Variants in AFTPH observed in about 807,000 individuals in gnomAD.
AFTPH encodes the protein aftiphilin.
In AFTPH, 7 loss-of-function variants were observed where a neutral mutation model predicts 72.5. The observed-to-expected ratio is 0.10, with a 90% CI of 0.05 to 0.18. The LOEUF is 0.18. Ranked by LOEUF, AFTPH falls within the 10% of genes least tolerant of loss-of-function variation. AFTPH has a pLI of 1.00. For synonymous variants in AFTPH, 337 were observed against 370.1 expected (o/e 0.91, Z 1.03); for missense variants, 979 against 1,060.5 (o/e 0.92, Z 1.07).
At chr2:64,572,598 C>T (rs978071846) in intron 5 of AFTPH, among the ~76,000 whole-genome samples, 1 of 152,130 alleles carries the variant, frequency 6.6e-6, no homozygotes, top group Non-Finnish European at 1.5e-5. Flanking sequence ...ACTTTAAAAC[C>T]TCTGATTTAA....
chr2:64,584,372 A>G (rs897613020), intron 7 of AFTPH, among the ~76,000 whole-genome samples: 1 of 152,158 alleles, frequency 6.6e-6, no homozygotes, highest in Non-Finnish European at 1.5e-5. Context: ...CAATAAATCT[A>G]ACCCTCTGAG....
intron 1 of AFTPH, among the ~76,000 whole-genome samples, chr2:64,546,506 A>G (rs1054714602): frequency 6.6e-6 from 1 of 152,232 alleles, no homozygotes; most frequent in Non-Finnish European, 1.5e-5. Context: ...CTAGAATTGT[A>G]TAAGTAACAC....
At chr2:64,591,027 A>G (rs1673796714) in intron 8 of AFTPH, among the ~76,000 whole-genome samples, 1 of 152,254 alleles carries the variant, frequency 6.6e-6, no homozygotes, top group Non-Finnish European at 1.5e-5. Context: ...AGCGAATAAT[A>G]TGTATAACTA....
intron 1 of AFTPH, among the ~76,000 whole-genome samples, chr2:64,547,010 C>A (rs754293368): frequency 1.3e-5 from 2 of 152,128 alleles, no homozygotes; most frequent in African/African-American, 4.8e-5. Flanking sequence ...GATCGTGCCA[C>A]TGCACTCCAG....
At position 64,552,384 on chromosome 2, in the gene AFTPH, A is replaced by G. The variant is rs138916712; in HGVS notation, c.910A>G (p.Ile304Val). The change falls in exon 2 of 9, where the codon ATA (isoleucine) becomes GTA (valine). Residue 304 changes from isoleucine to valine, a missense_variant. By Grantham distance (29) the Ile-to-Val change is conservative (BLOSUM62 3). This residue lies in a region of AFTPH where 498 missense variants were observed against 467.6 expected (regional missense o/e 1.06). Coordinates refer to ENST00000238856, the Ensembl canonical transcript of AFTPH. ...TCAGGTTTGTGTTTCAGAAATAAGC[A>G]TAGTGACTAACAGAGGTTTCAGTGT... 13 of 1,614,012 alleles carry G rather than the reference A, an allele frequency of 8.1e-6. No homozygotes were observed. In the African/African-American group the frequency reaches 1.2e-4, roughly 15 times the overall value.
At chr2:64,533,361 T>G (rs1437727221) in intron 1 of AFTPH, among the ~76,000 whole-genome samples, 1 of 152,142 alleles carries the variant, frequency 6.6e-6, no homozygotes, top group Non-Finnish European at 1.5e-5. Context: ...ATCACACCAC[T>G]GCACTCCAGC....
In AFTPH at chr2:64,573,086, T is replaced by C. The variant is rs368908558; in HGVS notation, c.2394+18T>C. The C allele has an allele frequency of 3.4e-5, 54 of 1,596,010 alleles. No individual in the cohort carries two copies. In the East Asian group the frequency reaches 6.0e-4, roughly 18 times the overall value. ...AGTTCCAGGTAAAAATATCTATATG[T>C]GTATAAATATGTTTATGCGTGTATA... is the stretch of plus-strand genomic sequence containing the variant. On this transcript the variant is annotated intron_variant, in intron 6 of 8. Transcript: ENST00000238856.
chr2:64,581,218 T>A (rs759175060), intron 7 of AFTPH: 1 of 1,600,698 alleles, frequency 6.2e-7, no homozygotes, highest in South Asian at 1.1e-5. Flanking sequence ...TTCTGAACCT[T>A]GATTTCTTTG....
intron 6 of AFTPH, among the ~76,000 whole-genome samples, chr2:64,573,324 C>G (rs1405383130): frequency 6.6e-6 from 1 of 151,604 alleles, no homozygotes; most frequent in East Asian, 1.9e-4. Context: ...AGGCCTTAGT[C>G]TCTTTATCTA....
At chr2:64,541,330 T>C (rs1572954292) in intron 1 of AFTPH, among the ~76,000 whole-genome samples, 3 of 152,128 alleles carry the variant, frequency 2.0e-5, no homozygotes, top group Admixed American at 2.0e-4. Flanking sequence ...TGACATACAG[T>C]TGGTGTCTGA....
chr2:64,547,027 C>T (rs945935559), intron 1 of AFTPH, among the ~76,000 whole-genome samples: 2 of 151,936 alleles, frequency 1.3e-5, no homozygotes, highest in Non-Finnish European at 2.9e-5. Context: ...CCAGCCTGGG[C>T]GACAGAGCTA....
chr2:64,584,060 A>C (rs1673361797), intron 7 of AFTPH, among the ~76,000 whole-genome samples: 1 of 152,258 alleles, frequency 6.6e-6, no homozygotes, highest in Non-Finnish European at 1.5e-5. Context: ...AGAAATAATA[A>C]GTAAAAATTT....
At chr2:64,525,335 C>G (rs1031504928) in intron 1 of AFTPH, among the ~76,000 whole-genome samples, 1 of 152,154 alleles carries the variant, frequency 6.6e-6, no homozygotes, top group African/African-American at 2.4e-5. Flanking sequence ...AGGGTCCTTG[C>G]TCTATTAGGA....
chr2:64,592,065 T>C, exon 9 of AFTPH: 1 of 1,596,464 alleles, frequency 6.3e-7, no homozygotes, highest in South Asian at 1.1e-5. Context: ...TTCTATTGCT[T>C]TTCCTTTTTT....
At chr2:64,542,348 G>A (rs1042055689) in intron 1 of AFTPH, among the ~76,000 whole-genome samples, 1 of 152,158 alleles carries the variant, frequency 6.6e-6, no homozygotes, top group African/African-American at 2.4e-5. Context: ...AGAGGAATAC[G>A]TAGGGAATAC....
intron 2 of AFTPH, among the ~76,000 whole-genome samples, chr2:64,562,786 T>C (rs959328302): frequency 6.6e-6 from 1 of 152,200 alleles, no homozygotes; most frequent in African/African-American, 2.4e-5. Flanking sequence ...GGTTTCAGAG[T>C]ACATCTTTTG....
chr2:64,527,662 AT>A (rs916472525), intron 1 of AFTPH, among the ~76,000 whole-genome samples: 2 of 152,126 alleles, frequency 1.3e-5, no homozygotes, highest in African/African-American at 4.8e-5. Context: ...AGCATTGTAT[AT>A]TTAAAAAAAG....
rs1397856746 is a variant in AFTPH, at chr2:64,567,728, G to GC, written c.2087+15_2087+16insC. ...CCTGAAAGTGGGTAAGTAGGAGACT[G>GC]TTTTTAGATAGCATGTGTTTTTGTT... On this transcript the variant is annotated intron_variant, in intron 3 of 8. Transcript: ENST00000238856. 1 of 1,588,954 alleles carries GC rather than the reference G, an allele frequency of 6.3e-7. No homozygotes were observed. The highest frequency in any genetic ancestry group is 2.2e-5 in the East Asian group (1 of 44,492).
At chr2:64,582,263 G>A (rs1673251654) in intron 7 of AFTPH, among the ~76,000 whole-genome samples, 2 of 152,180 alleles carry the variant, frequency 1.3e-5, no homozygotes, top group South Asian at 2.1e-4. Flanking sequence ...CCACTAGATA[G>A]TGCTACCACC....
Sources: allele counts gnomAD v4.1 joint callset (sites outside exome capture counted in the v4.1 genomes callset), GRCh38; gene constraint gnomAD v4.1.1; regional missense constraint gnomAD v4.1.1; transcripts MANE v1.5; gene names NCBI Gene and HGNC (gene_info 2026-07-23, HGNC 2026-07-21).